The following ARHGEF10L variants were observed in gnomAD, a reference collection of about 807,000 sequenced individuals.
The protein encoded by ARHGEF10L is rho guanine nucleotide exchange factor 10-like protein.
In ARHGEF10L, 69 loss-of-function variants were observed where a neutral mutation model predicts 141.2. The observed-to-expected ratio is 0.49, with a 90% CI of 0.40 to 0.60. The LOEUF is 0.60. Ranked by LOEUF, ARHGEF10L falls within the 20% of genes least tolerant of loss-of-function variation. The probability of loss-of-function intolerance (pLI) is 0.00; values close to 1 mark genes in which losing one functional copy is unlikely to be tolerated. For synonymous variants in ARHGEF10L, 711 were observed against 718.5 expected (o/e 0.99, Z 0.17); for missense variants, 1,482 against 1,734.3 (o/e 0.85, Z 2.58).
At chr1:17,641,449 G>A (rs545960492) in intron 21 of ARHGEF10L, among the ~76,000 whole-genome samples, 1 of 151,662 alleles carries the variant, frequency 6.6e-6, no homozygotes, top group East Asian at 1.9e-4. Context: ...GGCTAACATG[G>A]TGAAACCCTG....
chr1:17,661,246 T>A lies in ARHGEF10L; in HGVS notation c.2861-3201T>A, dbSNP rs372233053. Among the ~76,000 whole-genome samples, 38 of 152,098 alleles carry A rather than the reference T, an allele frequency of 2.5e-4. No homozygotes were observed. In the East Asian group the frequency reaches 7.4e-3, roughly 29 times the overall value. On this transcript the variant is annotated intron_variant, in intron 25 of 28. Coordinates refer to ENST00000361221, the MANE Select transcript of ARHGEF10L (RefSeq NM_018125.4). ...GCGCACACCACCACACCCAGCTAAT[T>A]TTTGTATTTTTAATAGAGAAGGGGT... is the stretch of plus-strand genomic sequence containing the variant.
chr1:17,619,459 TG>T lies in ARHGEF10L; in HGVS notation c.942+18del. ...AGCCCTCAGCAGGTCTGTGGGGGAG[TG>T]GGGCAGGTGGGGGTCTGCAGGGGAA... On this transcript the variant is annotated intron_variant, in intron 10 of 28. Coordinates refer to ENST00000361221, the MANE Select transcript of ARHGEF10L (RefSeq NM_018125.4). The surrounding 1 kb of genome is among the most constrained non-coding windows in gnomAD (Gnocchi z 5.0). 7.2e-7 allele frequency: 1 copy of T among 1,390,298 alleles called. No individual in the cohort carries two copies. Among genetic ancestry groups the T allele is most frequent in the Non-Finnish European group, 9.6e-7 (1 of 1,044,848 alleles). 86.1% of individuals were successfully genotyped at this position (1,390,298 alleles called of 1,614,324 possible). A position where few individuals can be genotyped will look rare whatever the true frequency, so the allele number is the denominator to read the frequency against.
intron 26 of ARHGEF10L, among the ~76,000 whole-genome samples, chr1:17,683,622 G>GGGGCTGGGGCTA (rs2064326683): frequency 8.9e-6 from 1 of 111,974 alleles, no homozygotes. Flanking sequence ...ATGCCAGGCT[G>GGGGCTGGGGCTA]GGGCTGGGGC....
chr1:17,608,909 A>C (rs1369231297), intron 7 of ARHGEF10L, among the ~76,000 whole-genome samples: 9 of 152,170 alleles, frequency 5.9e-5, no homozygotes, highest in Admixed American at 5.9e-4. Context: ...TCAGCCTCCC[A>C]GGTAGCTGGG....
In ARHGEF10L at chr1:17,621,376, G is replaced by A. The variant is rs539487219; in HGVS notation, c.943-488G>A. On this transcript the variant is annotated intron_variant, in intron 10 of 28. Transcript: ENST00000361221. This position sits in a 1 kb window ranked among gnomAD's most constrained non-coding sequence, Gnocchi z 4.1. ...GCCTCCAAAGTAGCTGGGACTATAG[G>A]CGCGTGCCACCACGCCCAGCTGATT... 5.3e-4 allele frequency among the ~76,000 whole-genome samples: 81 copies of A among 152,252 alleles called. 1 individual carries two copies. The highest frequency in any genetic ancestry group is 9.6e-4 in the Non-Finnish European group (65 of 68,010).
At chr1:17,682,890 G>C (rs1295100982) in intron 26 of ARHGEF10L, among the ~76,000 whole-genome samples, 2 of 152,164 alleles carry the variant, frequency 1.3e-5, no homozygotes, top group African/African-American at 4.8e-5. Context: ...CCTGGGATTG[G>C]GGTGCTGGGT....
chr1:17,697,104 C>T lies in ARHGEF10L; in HGVS notation c.3564C>T (p.Leu1188=), dbSNP rs768135814. 6 of 1,609,448 alleles carry T rather than the reference C, an allele frequency of 3.7e-6. No individual in the cohort carries two copies. The Admixed American group carries it at 8.4e-5, about 22-fold the overall frequency. ...CCGCACACCTCCCGGGCCCGCTGCT[C>T]TCCATGCGGGAGCCGGCGCCTGCTG... ...RSTAHLPGPL[L]SMREPAPADG... Residue 1188 remains leucine, a synonymous_variant, in exon 29 of 29, where the codon CTC becomes CTT. Coordinates refer to ENST00000361221, the MANE Select transcript of ARHGEF10L (RefSeq NM_018125.4). This position sits in a 1 kb window ranked among gnomAD's most constrained non-coding sequence, Gnocchi z 4.8.
At chr1:17,599,181 C>A in intron 4 of ARHGEF10L, among the ~76,000 whole-genome samples, 1 of 151,986 alleles carries the variant, frequency 6.6e-6, no homozygotes, top group South Asian at 2.1e-4. Context: ...ACTAAAAATA[C>A]AAAAATTAGG....
intron 7 of ARHGEF10L, among the ~76,000 whole-genome samples, chr1:17,608,882 T>G (rs936403096): frequency 6.6e-5 from 10 of 152,264 alleles, no homozygotes; most frequent in Non-Finnish European, 1.2e-4. Context: ...TTTCCTGGGT[T>G]CAAGCAATTT....
At chr1:17,679,602 C>T (rs894006187) in intron 26 of ARHGEF10L, among the ~76,000 whole-genome samples, 8 of 152,204 alleles carry the variant, frequency 5.3e-5, no homozygotes, top group African/African-American at 1.9e-4. Flanking sequence ...AGTTTGTTTC[C>T]TCAGCGGTAA....
chr1:17,692,718 G>T (rs577117660), intron 27 of ARHGEF10L, among the ~76,000 whole-genome samples: 3 of 152,202 alleles, frequency 2.0e-5, no homozygotes, highest in African/African-American at 7.2e-5. Context: ...ATCACGTCAC[G>T]CTACTCCCCT....
At chr1:17,670,563 A>G (rs950224977) in intron 26 of ARHGEF10L, among the ~76,000 whole-genome samples, 4 of 152,238 alleles carry the variant, frequency 2.6e-5, no homozygotes, top group African/African-American at 9.6e-5. Flanking sequence ...GGCCTGCGGC[A>G]CATGAGGTGT....
chr1:17,608,029 CAGGGAGGG>C lies in ARHGEF10L; in HGVS notation c.609+67_609+74del. On this transcript the variant is annotated intron_variant, in intron 7 of 28. Coordinates refer to ENST00000361221, the MANE Select transcript of ARHGEF10L (RefSeq NM_018125.4). ...CTCAGTCAGGGCACGGAGACCCCTT[CAGGGAGGG>C]AGGGAGGGAGGGAGCTGGGTAGTGA... The C allele has an allele frequency of 5.8e-6, 4 of 693,990 alleles. 1 individual carries two copies. The highest frequency in any genetic ancestry group is 8.0e-6 in the Non-Finnish European group (4 of 502,544). 43.0% of individuals were successfully genotyped at this position (693,990 alleles called of 1,614,324 possible). A position where few individuals can be genotyped will look rare whatever the true frequency, so the allele number is the denominator to read the frequency against.
chr1:17,686,011 G>A (rs137951019), intron 26 of ARHGEF10L, among the ~76,000 whole-genome samples: 30 of 152,256 alleles, frequency 2.0e-4, no homozygotes, highest in African/African-American at 7.2e-4. Flanking sequence ...AAGCCTCAGG[G>A]TGCAGCTCTT....
At chr1:17,695,752 G>T (rs2065449057) in intron 28 of ARHGEF10L, among the ~76,000 whole-genome samples, 1 of 151,720 alleles carries the variant, frequency 6.6e-6, no homozygotes. Context: ...GATCAGAGAA[G>T]ACCCCCACAC....
At chr1:17,540,683 G>T (rs2076692918) in intron 1 of ARHGEF10L, among the ~76,000 whole-genome samples, 1 of 152,100 alleles carries the variant, frequency 6.6e-6, no homozygotes, top group African/African-American at 2.4e-5. Flanking sequence ...TCTTCCTTTG[G>T]CCCTGAAAGC....
chr1:17,634,110 TACTC>T (rs1162062141), intron 16 of ARHGEF10L: 2 of 208,534 alleles, frequency 9.6e-6, no homozygotes, highest in Admixed American at 1.1e-4. Flanking sequence ...TTCATTCATT[TACTC>T]ACTCACTCAA....
At position 17,634,955 on chromosome 1, in the gene ARHGEF10L, G is replaced by A. The variant is rs538748556; in HGVS notation, c.1866G>A (p.Lys622=). 3.1e-6 allele frequency: 5 copies of A among 1,614,090 alleles called. No individual in the cohort carries two copies. In the African/African-American group the frequency reaches 6.7e-5, roughly 22 times the overall value. ...GCCAGGACGGTGGCACCTATGACAA[G>A]GACAATGTGCTCATCCAGCACTCAG... ...EVGQDGGTYD[K]DNVLIQHSGA... is the part of the protein sequence containing the mutation. The change falls in exon 18 of 29, where the codon AAG becomes AAA. Residue 622 remains lysine (K), a synonymous_variant. Coordinates refer to ENST00000361221, the MANE Select transcript of ARHGEF10L (RefSeq NM_018125.4).
intron 26 of ARHGEF10L, among the ~76,000 whole-genome samples, chr1:17,680,091 GCCCTGCCCTGC>G (rs2063999289): frequency 6.6e-6 from 1 of 151,126 alleles, no homozygotes. Context: ...CCCTGCCCCT[GCCCTGCCCTGC>G]CCCTGCCCAT....
Sources: allele counts gnomAD v4.1 joint callset (sites outside exome capture counted in the v4.1 genomes callset), GRCh38; gene constraint gnomAD v4.1.1; non-coding constraint Gnocchi (gnomAD v3.1); transcripts MANE v1.5; gene names NCBI Gene and HGNC (gene_info 2026-07-23, HGNC 2026-07-21).